ZDHHC20: variants seen among roughly 807,000 people sequenced by gnomAD.
ZDHHC20 encodes the protein palmitoyltransferase ZDHHC20.
Under a neutral mutation model 57.8 loss-of-function variants are expected in ZDHHC20, and 43 were observed. The observed-to-expected ratio is 0.74, with a 90% confidence interval of 0.58 to 0.96. The LOEUF (loss-of-function observed/expected upper bound fraction) is 0.96. ZDHHC20 is among the 40% of genes least tolerant of loss of function. The pLI is 0.00. For synonymous variants in ZDHHC20, 157 were observed against 153.0 expected (o/e 1.03, Z -0.19); for missense variants, 391 against 441.1 (o/e 0.89, Z 1.02).
chr13:21,410,619 T>C (rs1879066091), intron 4 of ZDHHC20, among the ~76,000 whole-genome samples: 1 of 152,196 alleles, frequency 6.6e-6, no homozygotes, highest in Admixed American at 6.5e-5. Flanking sequence ...TGTGGTGGGC[T>C]CTGCCCAGTG....
chr13:21,443,687 G>GATAT (rs1883403824), intron 1 of ZDHHC20, among the ~76,000 whole-genome samples: 1 of 152,206 alleles, frequency 6.6e-6, no homozygotes, highest in Admixed American at 6.5e-5. Context: ...AAGATCAAAA[G>GATAT]ATATAGACAG....
At chr13:21,381,677 C>G (rs933896114) in intron 10 of ZDHHC20, 128 bp from the exon 11 acceptor site, 66 of 652,866 alleles carry the variant, frequency 1.0e-4, no homozygotes, top group Non-Finnish European at 1.0e-5. Context: ...GATCTTAGCA[C>G]TCTGAAAAAA....
intron 8 of ZDHHC20, among the ~76,000 whole-genome samples, chr13:21,388,151 G>A (rs1348523223): frequency 6.6e-6 from 1 of 152,166 alleles, no homozygotes. Context: ...AGACATATGT[G>A]TGCCTCGGGG....
chr13:21,389,309 T>G (rs1265998396), intron 8 of ZDHHC20, among the ~76,000 whole-genome samples: 1 of 152,184 alleles, frequency 6.6e-6, no homozygotes, highest in African/African-American at 2.4e-5. Flanking sequence ...GAGATGAAGC[T>G]GTTAGAAAGT....
intron 10 of ZDHHC20, among the ~76,000 whole-genome samples, chr13:21,382,708 C>A (rs962033651): frequency 6.6e-6 from 1 of 152,100 alleles, no homozygotes; most frequent in African/African-American, 2.4e-5. Flanking sequence ...CTCTTTCCTA[C>A]TCGTAAGTGT....
chr13:21,384,726 G>T (rs572772086), intron 9 of ZDHHC20, among the ~76,000 whole-genome samples: 1 of 152,320 alleles, frequency 6.6e-6, no homozygotes, highest in African/African-American at 2.4e-5. Context: ...TGAACACATG[G>T]ATTTGGTAGA....
At chr13:21,384,707 C>T (rs1249700318) in intron 9 of ZDHHC20, among the ~76,000 whole-genome samples, 7 of 152,256 alleles carry the variant, frequency 4.6e-5, no homozygotes, top group South Asian at 2.1e-4. Flanking sequence ...TTGACTGGGG[C>T]GATCTCACTG....
intron 7 of ZDHHC20, among the ~76,000 whole-genome samples, chr13:21,396,371 A>G (rs1437318195): frequency 6.6e-6 from 1 of 152,254 alleles, no homozygotes; most frequent in African/African-American, 2.4e-5. Flanking sequence ...AGAGATTTAA[A>G]GGTAAAACCA....
chr13:21,398,348 C>G (rs540414926), intron 7 of ZDHHC20, among the ~76,000 whole-genome samples: 191 of 152,016 alleles, frequency 1.3e-3, no homozygotes, highest in Admixed American at 2.1e-3. Flanking sequence ...CCTGTAGTCC[C>G]AGCTACTCGG....
At chr13:21,380,006 G>A (rs984430532) in intron 11 of ZDHHC20, among the ~76,000 whole-genome samples, 38 of 151,652 alleles carry the variant, frequency 2.5e-4, no homozygotes, top group African/African-American at 8.2e-4. Context: ...CAGTAGAGAC[G>A]GGGTTTCACC....
chr13:21,452,932 G>A (rs185690600), intron 1 of ZDHHC20, among the ~76,000 whole-genome samples: 4 of 151,848 alleles, frequency 2.6e-5, no homozygotes, highest in Non-Finnish European at 4.4e-5. Flanking sequence ...ACAAAGAAGA[G>A]GACAGACAAT....
At chr13:21,447,628 A>G (rs1343129251) in intron 1 of ZDHHC20, among the ~76,000 whole-genome samples, 48 of 141,256 alleles carry the variant, frequency 3.4e-4, no homozygotes, top group Non-Finnish European at 6.0e-4. Flanking sequence ...GTCTCGGCTC[A>G]CTACAACCTA....
intron 4 of ZDHHC20, among the ~76,000 whole-genome samples, chr13:21,409,399 G>A (rs1189582560): frequency 6.6e-6 from 1 of 152,188 alleles, no homozygotes; most frequent in Non-Finnish European, 1.5e-5. Flanking sequence ...TTTGTGTAGA[G>A]GTGTTTATGG....
intron 1 of ZDHHC20, among the ~76,000 whole-genome samples, chr13:21,453,367 C>A (rs1163949120): frequency 6.6e-6 from 1 of 152,182 alleles, no homozygotes; most frequent in Non-Finnish European, 1.5e-5. Flanking sequence ...TATAGTTATA[C>A]CTCTCTTAAT....
chr13:21,447,089 G>A (rs1018980857), intron 1 of ZDHHC20, among the ~76,000 whole-genome samples: 1 of 151,872 alleles, frequency 6.6e-6, no homozygotes, highest in Non-Finnish European at 1.5e-5. Flanking sequence ...GGTGGGGGTG[G>A]AGCACAGGAA....
chr13:21,413,673 A>T lies in ZDHHC20; in HGVS notation c.349T>A (p.Tyr117Asn), dbSNP rs1593230956. Reference sequence around the variant, plus strand: ...TTACTTTTTGAAGCTGATGTGGTATAGATAGGTAAAGCTCTTGCTGCTCTT... The same window carrying T: ...TTACTTTTTGAAGCTGATGTGGTATTGATAGGTAAAGCTCTTGCTGCTCTT... ...LRRAARALPIYTTSASKTIRY... is the reference protein window; with the variant it reads ...LRRAARALPINTTSASKTIRY... The change falls in exon 4 of 13, where the codon TAT (tyrosine) becomes AAT (asparagine). Residue 117 changes from tyrosine to asparagine, a missense_variant. By Grantham distance (143) the Tyr-to-Asn change is moderately radical. Around this residue, in one of 3 missense-constraint regions of ZDHHC20, gnomAD observed 185 missense variants for 188.0 expected, o/e 0.98. Coordinates refer to ENST00000400590, the MANE Select transcript of ZDHHC20 (RefSeq NM_001330059.2). 1 of 1,608,748 alleles carries T rather than the reference A, an allele frequency of 6.2e-7. No homozygotes were observed. Among genetic ancestry groups the T allele is most frequent in the Non-Finnish European group, 8.5e-7 (1 of 1,178,960 alleles).
At chr13:21,441,549 C>CTTTTT (rs397851910) in intron 1 of ZDHHC20, among the ~76,000 whole-genome samples, 22 of 65,342 alleles carry the variant, frequency 3.4e-4, no homozygotes, top group African/African-American at 4.7e-4. Flanking sequence ...CCACGCCCGG[C>CTTTTT]TTTTTTTTTT....
At chr13:21,442,422 G>C (rs1183782078) in intron 1 of ZDHHC20, among the ~76,000 whole-genome samples, 2 of 152,038 alleles carry the variant, frequency 1.3e-5, no homozygotes, top group African/African-American at 4.8e-5. Context: ...TCTTATTTCA[G>C]ATCTTCCTGC....
intron 3 of ZDHHC20, among the ~76,000 whole-genome samples, chr13:21,419,084 C>A (rs1057013959): frequency 6.6e-6 from 1 of 152,064 alleles, no homozygotes; most frequent in Non-Finnish European, 1.5e-5. Context: ...TTTACACATG[C>A]TATGTTTTCA....
Sources: allele counts gnomAD v4.1 joint callset (sites outside exome capture counted in the v4.1 genomes callset), GRCh38; gene constraint gnomAD v4.1.1; regional missense constraint gnomAD v4.1.1; transcripts MANE v1.5; gene names NCBI Gene and HGNC (gene_info 2026-07-23, HGNC 2026-07-21).